SNTG2: variants seen among roughly 807,000 people sequenced by gnomAD.
SNTG2 encodes syntrophin gamma 2, also known as gamma-2-syntrophin.
A neutral mutation model predicts 70.9 loss-of-function variants in SNTG2; 74 were observed. The ratio of observed to expected loss-of-function variants is 1.04; its 90% CI spans 0.86 to 1.27. The LOEUF is 1.27. SNTG2 is among the 50% of genes most tolerant of loss of function. SNTG2 has a pLI of 0.00. For synonymous variants in SNTG2, 278 were observed against 273.8 expected, an observed-to-expected ratio of 1.02 and a Z score of -0.15; for missense variants, 717 against 690.7, an observed-to-expected ratio of 1.04 and a Z score of -0.43.
intron 1 of SNTG2, among the ~76,000 whole-genome samples, chr2:998,918 A>G (rs1661779987): frequency 1.3e-5 from 2 of 152,146 alleles, no homozygotes; most frequent in Non-Finnish European, 2.9e-5. Context: ...AGGAGAGTCC[A>G]TCAAATTTCT....
intron 9 of SNTG2, among the ~76,000 whole-genome samples, chr2:1,226,723 A>G (rs1459508240): frequency 6.6e-6 from 1 of 152,258 alleles, no homozygotes; most frequent in Non-Finnish European, 1.5e-5. Flanking sequence ...TCTTATGCAA[A>G]ATAGTTATAG....
At chr2:1,125,091 T>C (rs1667619419) in intron 4 of SNTG2, among the ~76,000 whole-genome samples, 1 of 152,212 alleles carries the variant, frequency 6.6e-6, no homozygotes, top group South Asian at 2.1e-4. Flanking sequence ...GTAACAAAAA[T>C]CTACTGGACA....
At chr2:1,176,903 A>G (rs1233651208) in intron 8 of SNTG2, among the ~76,000 whole-genome samples, 1 of 152,218 alleles carries the variant, frequency 6.6e-6, no homozygotes, top group Non-Finnish European at 1.5e-5. Context: ...TCATTCAACC[A>G]TTGTGGAAGA....
At chr2:1,026,839 GCCT>G (rs781079566) in intron 1 of SNTG2, among the ~76,000 whole-genome samples, 4 of 151,832 alleles carry the variant, frequency 2.6e-5, no homozygotes, top group Non-Finnish European at 5.9e-5. Context: ...CCTGCTCTTT[GCCT>G]CCTCCTTTTG....
intron 1 of SNTG2, among the ~76,000 whole-genome samples, chr2:1,047,406 T>C (rs918884516): frequency 1.1e-4 from 16 of 152,200 alleles, no homozygotes; most frequent in Admixed American, 2.6e-4. Context: ...TGTGGGGCTT[T>C]AGGGACAAGA....
chr2:1,192,674 A>C (rs540227352), intron 8 of SNTG2, among the ~76,000 whole-genome samples: 1 of 152,074 alleles, frequency 6.6e-6, no homozygotes, highest in Non-Finnish European at 1.5e-5. Flanking sequence ...AGCTTGCGTT[A>C]ATCAGTTGTG....
intron 16 of SNTG2, among the ~76,000 whole-genome samples, chr2:1,329,749 C>T (rs1194326773): frequency 5.3e-5 from 8 of 152,150 alleles, no homozygotes; most frequent in East Asian, 1.9e-4. Context: ...GAGTGCTGTA[C>T]GCATCGTGTG....
chr2:1,208,640 C>T (rs1673826514), intron 8 of SNTG2, among the ~76,000 whole-genome samples: 2 of 152,184 alleles, frequency 1.3e-5, no homozygotes, highest in Non-Finnish European at 2.9e-5. Flanking sequence ...CGGCTCTGAC[C>T]ACAGCACAGA....
intron 1 of SNTG2, among the ~76,000 whole-genome samples, chr2:1,075,862 T>C (rs1030399504): frequency 6.6e-6 from 1 of 152,256 alleles, no homozygotes; most frequent in East Asian, 1.9e-4. Context: ...ACTGCTGTTC[T>C]GTGACAGGTT....
chr2:1,250,453 GTCTC>G (rs1316077512), intron 12 of SNTG2, among the ~76,000 whole-genome samples: 6 of 151,666 alleles, frequency 4.0e-5, no homozygotes, highest in Non-Finnish European at 5.9e-5. Context: ...CACTGTCTTT[GTCTC>G]TCTCTGTCTG....
chr2:960,269 C>G (rs1660303214), intron 1 of SNTG2, among the ~76,000 whole-genome samples: 1 of 152,190 alleles, frequency 6.6e-6, no homozygotes, highest in African/African-American at 2.4e-5. Context: ...GATAGCCAGG[C>G]CTGTTCCCTG....
At chr2:1,218,392 C>T (rs1318673895) in intron 9 of SNTG2, among the ~76,000 whole-genome samples, 2 of 152,166 alleles carry the variant, frequency 1.3e-5, no homozygotes. Context: ...TAGAACTCTG[C>T]CTGCTCTAGT....
chr2:1,018,952 C>T (rs549581737), intron 1 of SNTG2, among the ~76,000 whole-genome samples: 1 of 152,296 alleles, frequency 6.6e-6, no homozygotes, highest in East Asian at 1.9e-4. Flanking sequence ...TTGTCCTCCT[C>T]CTGTCCTGAC....
At chr2:1,115,702 A>G (rs79349883) in intron 4 of SNTG2, among the ~76,000 whole-genome samples, 5 of 114,374 alleles carry the variant, frequency 4.4e-5, no homozygotes, top group African/African-American at 1.4e-4. Context: ...GTCCTTTGAG[A>G]AGGATCGTGT....
At chr2:1,272,698 AGCGGGT>A in intron 14 of SNTG2, among the ~76,000 whole-genome samples, 1 of 113,008 alleles carries the variant, frequency 8.8e-6, no homozygotes, top group East Asian at 2.7e-4. Flanking sequence ...CACCCCAGGG[AGCGGGT>A]GCAGAAAGGA....
chr2:1,170,093 T>C (rs548406955), intron 7 of SNTG2, among the ~76,000 whole-genome samples: 8 of 152,092 alleles, frequency 5.3e-5, no homozygotes, highest in Admixed American at 4.6e-4. Context: ...GGAAAGAGAG[T>C]ATCACGGCAG....
intron 16 of SNTG2, among the ~76,000 whole-genome samples, chr2:1,355,257 C>T (rs1454110058): frequency 2.0e-5 from 3 of 152,208 alleles, no homozygotes; most frequent in African/African-American, 7.2e-5. Context: ...AAGAGTTCAG[C>T]CGTGTTAACG....
chr2:1,182,896 G>A (rs537080611), intron 8 of SNTG2, among the ~76,000 whole-genome samples: 5 of 152,202 alleles, frequency 3.3e-5, no homozygotes, highest in African/African-American at 9.6e-5. Context: ...GGGGCTATAG[G>A]TGTGCGCTAC....
intron 1 of SNTG2, among the ~76,000 whole-genome samples, chr2:980,457 G>C (rs1661059336): frequency 6.6e-6 from 1 of 152,146 alleles, no homozygotes; most frequent in Admixed American, 6.5e-5. Flanking sequence ...ACTCTGCCAG[G>C]AATACAGAAA....
Sources: gnomAD v4.1 joint callset for allele counts (sites outside exome capture counted in the v4.1 genomes callset) on GRCh38, gnomAD v4.1.1 for gene constraint, MANE v1.5 for transcripts, NCBI Gene and HGNC (gene_info 2026-07-23, HGNC 2026-07-21) for gene names.